RALA: variants seen among roughly 807,000 people sequenced by gnomAD.
The protein encoded by RALA is RAS like proto-oncogene A.
RALA carries 5 observed loss-of-function variants against 24.0 expected under a neutral mutation model. The ratio of observed to expected loss-of-function variants is 0.21; its 90% CI spans 0.11 to 0.44. RALA has a LOEUF of 0.44. RALA is among the 20% of genes least tolerant of loss of function. RALA has a pLI of 0.99. For missense variants in RALA, 95 were observed against 241.2 expected (o/e 0.39, Z 4.01); for synonymous variants, 77 against 83.8 (o/e 0.92, Z 0.44).
At chr7:39,677,925 T>G (rs1368814395) in intron 1 of RALA, among the ~76,000 whole-genome samples, 1 of 146,308 alleles carries the variant, frequency 6.8e-6, no homozygotes, top group East Asian at 2.1e-4. Flanking sequence ...TAAATTTGTT[T>G]GAGTTCATTG....
chr7:39,668,666 C>T (rs1449468969), intron 1 of RALA, among the ~76,000 whole-genome samples: 1 of 151,650 alleles, frequency 6.6e-6, no homozygotes, highest in African/African-American at 2.4e-5. Context: ...GGCATGGTGG[C>T]GCATGCCTGT....
chr7:39,683,840 A>AACACACAC (rs71964842), intron 1 of RALA, among the ~76,000 whole-genome samples: 1,600 of 148,026 alleles, frequency 0.011, 21 homozygotes, highest in African/African-American at 0.037. Flanking sequence ...TTTTCTTTTG[A>AACACACAC]ACACACACAC....
chr7:39,698,688 G>A (rs1177657583), intron 4 of RALA, among the ~76,000 whole-genome samples: 1 of 152,206 alleles, frequency 6.6e-6, no homozygotes, highest in Admixed American at 6.5e-5. Flanking sequence ...CCTAAGGGGA[G>A]TGGGGAAGAG....
intron 4 of RALA, among the ~76,000 whole-genome samples, chr7:39,704,159 CAAAAA>C (rs796540060): frequency 9.4e-5 from 11 of 116,984 alleles, no homozygotes; most frequent in African/African-American, 1.3e-4. Flanking sequence ...GAGACTCTCT[CAAAAA>C]AAAAAAAAAA....
intron 1 of RALA, among the ~76,000 whole-genome samples, chr7:39,647,369 A>G (rs985329856): frequency 1.3e-5 from 2 of 152,168 alleles, no homozygotes; most frequent in African/African-American, 4.8e-5. Context: ...GGAAATCCAC[A>G]TAGCTTCTCC....
At chr7:39,631,622 T>G (rs1402602486) in intron 1 of RALA, among the ~76,000 whole-genome samples, 1 of 152,242 alleles carries the variant, frequency 6.6e-6, no homozygotes, top group Non-Finnish European at 1.5e-5. Context: ...GAGGAATGGT[T>G]TATAGTTTTC....
At chr7:39,703,975 GGCCAACATGGCAAAACCCCGTCTCTAC>G (rs1357431485) in intron 4 of RALA, among the ~76,000 whole-genome samples, 1 of 151,998 alleles carries the variant, frequency 6.6e-6, no homozygotes, top group African/African-American at 2.4e-5. Context: ...AGACCAGCCT[GGCCAACATGGCAAAACCCCGTCTCTAC>G]TAAAAATACA....
chr7:39,656,949 T>G (rs1404307645), intron 1 of RALA, among the ~76,000 whole-genome samples: 1 of 152,098 alleles, frequency 6.6e-6, no homozygotes, highest in East Asian at 1.9e-4. Context: ...TTTGTTTGTT[T>G]GTTTGTTTTT....
intron 1 of RALA, among the ~76,000 whole-genome samples, chr7:39,647,165 C>G (rs1253615240): frequency 6.6e-6 from 1 of 152,114 alleles, no homozygotes; most frequent in African/African-American, 2.4e-5. Flanking sequence ...ACCTCAGCCT[C>G]CCAAGTAGCT....
intron 1 of RALA, among the ~76,000 whole-genome samples, chr7:39,671,829 C>T (rs561818533): frequency 1.3e-5 from 2 of 152,240 alleles, no homozygotes; most frequent in East Asian, 3.9e-4. Context: ...CGTGAAAATA[C>T]TAAGTTGTTA....
intron 3 of RALA, among the ~76,000 whole-genome samples, chr7:39,693,788 G>A (rs551281810): frequency 6.6e-6 from 1 of 152,222 alleles, no homozygotes; most frequent in South Asian, 2.1e-4. Flanking sequence ...GTACGTCTTA[G>A]CCTGCATCAC....
At chr7:39,680,287 T>C (rs1792566649) in intron 1 of RALA, among the ~76,000 whole-genome samples, 1 of 151,922 alleles carries the variant, frequency 6.6e-6, no homozygotes, top group African/African-American at 2.4e-5. Context: ...GAGAATTGCT[T>C]GAACCTGGGG....
chr7:39,664,687 CA>C (rs1205760726), intron 1 of RALA, among the ~76,000 whole-genome samples: 3 of 152,192 alleles, frequency 2.0e-5, no homozygotes, highest in East Asian at 3.9e-4. Context: ...CTGTGAAAGC[CA>C]TTAAGCCCCA....
rs572034829 is a variant in RALA, at chr7:39,681,698, A to G, written c.-37-4933A>G. On this transcript the variant is annotated intron_variant, in intron 1 of 4. Transcript: ENST00000005257. ...TTTCCTTTGCCACTTTCTCGTATCT[A>G]TCTTCATCTTCTCCCTAAGAAAGCT... 1.4e-4 allele frequency among the ~76,000 whole-genome samples: 22 copies of G among 152,096 alleles called. No homozygotes were observed. In the South Asian group the frequency reaches 3.7e-3, roughly 26 times the overall value.
At chr7:39,675,565 A>G (rs974861344) in intron 1 of RALA, among the ~76,000 whole-genome samples, 3 of 152,132 alleles carry the variant, frequency 2.0e-5, no homozygotes, top group African/African-American at 7.2e-5. Context: ...CTGTCTCTAC[A>G]AAATACTTTA....
intron 1 of RALA, among the ~76,000 whole-genome samples, chr7:39,669,112 GAATA>G (rs1308836509): frequency 3.3e-5 from 5 of 152,122 alleles, no homozygotes; most frequent in African/African-American, 7.2e-5. Flanking sequence ...GATTCTGTCT[GAATA>G]AATAAATAAA....
intron 1 of RALA, among the ~76,000 whole-genome samples, chr7:39,655,954 C>T (rs914294135): frequency 1.3e-5 from 2 of 152,160 alleles, no homozygotes; most frequent in Non-Finnish European, 1.5e-5. Context: ...TGTGGAGTCT[C>T]TGAAGAATTT....
chr7:39,680,138 G>A (rs1337654328), intron 1 of RALA, among the ~76,000 whole-genome samples: 1 of 152,066 alleles, frequency 6.6e-6, no homozygotes, highest in Non-Finnish European at 1.5e-5. Context: ...GGGAGGCCAA[G>A]GCAGGCAGAT....
Position 39,669,556 on chromosome 7 carries a change from A to T in RALA, c.-37-17075A>T, listed in dbSNP as rs116504806. ...GCCAGGCACGGTGGCTTATGCCTATAATATCAGCACTTTGGGAAGCCAAGG... is the reference window on the plus strand; with the variant it reads ...GCCAGGCACGGTGGCTTATGCCTATTATATCAGCACTTTGGGAAGCCAAGG... On this transcript the variant is annotated intron_variant, in intron 1 of 4. Coordinates refer to ENST00000005257, the MANE Select transcript of RALA (RefSeq NM_005402.4). 2.4e-3 allele frequency among the ~76,000 whole-genome samples: 371 copies of T among 152,264 alleles called. 2 individuals are homozygous for T. The highest frequency in any genetic ancestry group is 8.7e-3 in the African/African-American group (361 of 41,560).
Sources: allele counts gnomAD v4.1 joint callset (sites outside exome capture counted in the v4.1 genomes callset), GRCh38; gene constraint gnomAD v4.1.1; transcripts MANE v1.5; gene names NCBI Gene and HGNC (gene_info 2026-07-23, HGNC 2026-07-21).